The following SYNDIG1 variants were observed in gnomAD, a reference collection of about 807,000 sequenced individuals.
SYNDIG1 encodes the protein synapse differentiation inducing 1, also known as synapse differentiation-inducing gene protein 1.
Under a neutral mutation model 19.4 loss-of-function variants are expected in SYNDIG1, and 9 were observed. That is an observed-to-expected ratio of 0.46 (90% CI 0.28 to 0.81). The LOEUF (loss-of-function observed/expected upper bound fraction) is 0.81, where lower values mean the gene tolerates loss of function less well. SYNDIG1 is among the 30% of genes least tolerant of loss of function. The pLI is 0.12. For missense variants in SYNDIG1, 311 were observed against 343.3 expected (o/e 0.91, Z 0.74); for synonymous variants, 141 against 145.9 (o/e 0.97, Z 0.24).
chr20:24,607,971 G>A (rs967024030), intron 3 of SYNDIG1, among the ~76,000 whole-genome samples: 4 of 151,992 alleles, frequency 2.6e-5, no homozygotes, highest in African/African-American at 9.7e-5. Context: ...CACTTTTCCC[G>A]GATGAGATCC....
chr20:24,604,847 C>A (rs969302326), intron 3 of SYNDIG1, among the ~76,000 whole-genome samples: 2 of 152,186 alleles, frequency 1.3e-5, no homozygotes, highest in Non-Finnish European at 2.9e-5. Context: ...GATCGGGACT[C>A]CTTTCCGGTA....
intron 1 of SYNDIG1, among the ~76,000 whole-genome samples, chr20:24,506,123 C>T (rs1162816587): frequency 6.6e-6 from 1 of 152,300 alleles, no homozygotes; most frequent in South Asian, 2.1e-4. Context: ...TAATTTGGCA[C>T]CGCCAGGTCT....
chr20:24,642,010 C>T (rs529248786), intron 3 of SYNDIG1, among the ~76,000 whole-genome samples: 3 of 152,168 alleles, frequency 2.0e-5, no homozygotes, highest in Admixed American at 2.0e-4. Context: ...ACTATGTAGG[C>T]TCTATGGTTA....
intron 2 of SYNDIG1, among the ~76,000 whole-genome samples, chr20:24,559,787 C>G (rs1198594534): frequency 6.6e-6 from 1 of 152,100 alleles, no homozygotes; most frequent in Non-Finnish European, 1.5e-5. Context: ...TGTAACATGT[C>G]ACTCTGTTGC....
intron 2 of SYNDIG1, among the ~76,000 whole-genome samples, chr20:24,578,836 C>T (rs1206947780): frequency 6.6e-6 from 1 of 152,178 alleles, no homozygotes; most frequent in African/African-American, 2.4e-5. Context: ...ACCAGATCCT[C>T]ACTTTTGTGC....
intron 3 of SYNDIG1, among the ~76,000 whole-genome samples, chr20:24,642,112 C>T (rs1212713490): frequency 6.6e-6 from 1 of 152,186 alleles, no homozygotes; most frequent in African/African-American, 2.4e-5. Context: ...TCCAAGAAAC[C>T]ATATGGCATT....
chr20:24,519,230 G>A (rs1168205747), intron 1 of SYNDIG1, among the ~76,000 whole-genome samples: 1 of 152,122 alleles, frequency 6.6e-6, no homozygotes, highest in Non-Finnish European at 1.5e-5. Flanking sequence ...ATTACAAGAT[G>A]GACCACGATA....
chr20:24,509,902 T>C (rs1893911996), intron 1 of SYNDIG1, among the ~76,000 whole-genome samples: 1 of 152,210 alleles, frequency 6.6e-6, no homozygotes, highest in Non-Finnish European at 1.5e-5. Flanking sequence ...GGGTGGTTTC[T>C]TCATGAACGG....
At chr20:24,588,112 C>CT (rs1300600233) in intron 3 of SYNDIG1, among the ~76,000 whole-genome samples, 1 of 152,176 alleles carries the variant, frequency 6.6e-6, no homozygotes, top group Non-Finnish European at 1.5e-5. Flanking sequence ...TCCCATGCCT[C>CT]TGTTTCCTGA....
chr20:24,603,767 G>T (rs184096396), intron 3 of SYNDIG1, among the ~76,000 whole-genome samples: 1 of 152,330 alleles, frequency 6.6e-6, no homozygotes, highest in African/African-American at 2.4e-5. Context: ...TAGCCCAGAA[G>T]AATTTTCTTC....
intron 3 of SYNDIG1, among the ~76,000 whole-genome samples, chr20:24,650,983 G>A (rs539209704): frequency 7.9e-5 from 12 of 152,184 alleles, no homozygotes; most frequent in South Asian, 6.2e-4. Flanking sequence ...TTACAGGTGC[G>A]CACCACCATG....
chr20:24,517,473 G>A (rs1422869891), intron 1 of SYNDIG1, among the ~76,000 whole-genome samples: 1 of 149,616 alleles, frequency 6.7e-6, no homozygotes, highest in African/African-American at 2.4e-5. Context: ...AAAAAAATTA[G>A]CTGGGCATGT....
chr20:24,626,826 C>T (rs1350394255), intron 3 of SYNDIG1, among the ~76,000 whole-genome samples: 1 of 152,248 alleles, frequency 6.6e-6, no homozygotes, highest in East Asian at 1.9e-4. Context: ...GCAATCCCGG[C>T]ACCTCGGGAG....
In SYNDIG1 at chr20:24,658,713, G is replaced by A. The variant is rs2059554683; in HGVS notation, c.619-6633G>A. On this transcript the variant is annotated intron_variant, in intron 3 of 3. Coordinates refer to ENST00000376862, the MANE Select transcript of SYNDIG1 (RefSeq NM_024893.3). This position sits in a 1 kb window ranked among gnomAD's most constrained non-coding sequence, Gnocchi z 4.4. ...AGGGGCCTGGGAAAGCCCACAAAGT[G>A]CACAGCCCGGCAACGCCCAGAGCTT... Among the ~76,000 whole-genome samples, 2 of 151,730 alleles carry A rather than the reference G, an allele frequency of 1.3e-5. No individual in the cohort carries two copies. The highest frequency in any genetic ancestry group is 4.8e-5 in the African/African-American group (2 of 41,260).
intron 1 of SYNDIG1, among the ~76,000 whole-genome samples, chr20:24,518,918 G>C (rs781392020): frequency 1.2e-4 from 18 of 152,168 alleles, no homozygotes; most frequent in Admixed American, 3.9e-4. Context: ...GAGGAAGCAG[G>C]GTGCTCCAGC....
intron 2 of SYNDIG1, among the ~76,000 whole-genome samples, chr20:24,548,345 C>T (rs187202416): frequency 1.3e-5 from 2 of 152,360 alleles, no homozygotes; most frequent in East Asian, 1.9e-4. Context: ...GAAGAGACGG[C>T]ACCAGGACTT....
At chr20:24,471,686 TGACA>T (rs2055465554) in intron 1 of SYNDIG1, among the ~76,000 whole-genome samples, 2 of 151,854 alleles carry the variant, frequency 1.3e-5, no homozygotes, top group Non-Finnish European at 1.5e-5. Context: ...TTGTACACAG[TGACA>T]GACAGAGAAT....
intron 1 of SYNDIG1, among the ~76,000 whole-genome samples, chr20:24,472,052 C>T (rs2055482591): frequency 6.6e-6 from 1 of 152,154 alleles, no homozygotes; most frequent in African/African-American, 2.4e-5. Flanking sequence ...TCTGTATCTC[C>T]AGCTGATGAC....
At chr20:24,631,349 C>T (rs1394219548) in intron 3 of SYNDIG1, among the ~76,000 whole-genome samples, 1 of 152,290 alleles carries the variant, frequency 6.6e-6, no homozygotes, top group East Asian at 1.9e-4. Flanking sequence ...AGCTCCGGGG[C>T]AGGTGGAGGC....
Sources: allele counts gnomAD v4.1 joint callset (sites outside exome capture counted in the v4.1 genomes callset), GRCh38; gene constraint gnomAD v4.1.1; non-coding constraint Gnocchi (gnomAD v3.1); transcripts MANE v1.5; gene names NCBI Gene and HGNC (gene_info 2026-07-23, HGNC 2026-07-21).